Variants in SHMT1 observed in about 807,000 individuals in gnomAD.
The protein encoded by SHMT1 is serine hydroxymethyltransferase, cytosolic.
SHMT1 carries 45 observed loss-of-function variants against 49.0 expected under a neutral mutation model. The ratio of observed to expected loss-of-function variants is 0.92; its 90% CI spans 0.72 to 1.18. The LOEUF (loss-of-function observed/expected upper bound fraction) is 1.18, where lower values mean the gene tolerates loss of function less well. SHMT1 is among the 50% of genes most tolerant of loss of function. The probability of loss-of-function intolerance (pLI) is 0.00; values close to 1 mark genes in which losing one functional copy is unlikely to be tolerated. For missense variants in SHMT1, 541 were observed against 612.4 expected (o/e 0.88, Z 1.23); for synonymous variants, 232 against 246.6 (o/e 0.94, Z 0.55).
chr17:18,361,702 C>G (rs1270184332), intron 1 of SHMT1, among the ~76,000 whole-genome samples: 1 of 151,462 alleles, frequency 6.6e-6, no homozygotes, highest in African/African-American at 2.4e-5. Flanking sequence ...AGGAGAATGG[C>G]GTGAACCCGG....
chr17:18,358,793 T>C (rs1986489546), intron 1 of SHMT1, among the ~76,000 whole-genome samples: 2 of 152,014 alleles, frequency 1.3e-5, no homozygotes, highest in African/African-American at 4.8e-5. Context: ...GTCCCAGCTA[T>C]TCAGGAGGCT....
intron 1 of SHMT1, among the ~76,000 whole-genome samples, chr17:18,359,317 T>C (rs1474316678): frequency 3.3e-5 from 5 of 151,130 alleles, no homozygotes; most frequent in Admixed American, 3.3e-4. Flanking sequence ...GGCAGGAGGA[T>C]CCTTTGAGCC....
At chr17:18,330,356 G>A (rs1361178183) in intron 10 of SHMT1, among the ~76,000 whole-genome samples, 199 bp downstream of exon 10, 1 of 151,536 alleles carries the variant, frequency 6.6e-6, no homozygotes, top group African/African-American at 2.4e-5. Context: ...GGCTGGTCTC[G>A]AATTCCTGAC....
chr17:18,330,154 T>C (rs1567766914), intron 10 of SHMT1, among the ~76,000 whole-genome samples: 1 of 150,868 alleles, frequency 6.6e-6, no homozygotes, highest in African/African-American at 2.4e-5. Context: ...TTTTTTTTTT[T>C]AGACAGAGTC....
chr17:18,356,027 GC>G, intron 1 of SHMT1, 27 bp from the exon 2 acceptor site: 1 of 1,037,676 alleles, frequency 9.6e-7, no homozygotes, highest in Non-Finnish European at 1.5e-6. Context: ...AACATGTGTA[GC>G]TTCCAGAATT....
intron 5 of SHMT1, chr17:18,341,261 C>T: frequency 4.8e-6 from 1 of 209,712 alleles, no homozygotes; most frequent in Non-Finnish European, 9.8e-6. Context: ...ACACAGACAA[C>T]ACAATATACC....
intron 7 of SHMT1, among the ~76,000 whole-genome samples, chr17:18,338,610 G>T (rs112031627): frequency 1.3e-5 from 2 of 152,082 alleles, no homozygotes; most frequent in East Asian, 1.9e-4. Flanking sequence ...CGGTTTTGTC[G>T]AATAGAAAAG....
intron 5 of SHMT1, among the ~76,000 whole-genome samples, chr17:18,342,534 G>T (rs1430816242): frequency 6.6e-6 from 1 of 151,836 alleles, no homozygotes; most frequent in Admixed American, 6.6e-5. Flanking sequence ...GGCTGGTCTC[G>T]AACTCCTGGA....
rs2061432865 is a variant in SHMT1 at position 18,330,613 on chromosome 17, T to TCCA, written c.1110_1112dup (p.Gly371dup). On this transcript the variant is annotated inframe_insertion, in exon 10 of 12. Coordinates refer to ENST00000316694, the MANE Select transcript of SHMT1 (RefSeq NM_004169.5). ...AGGCTTCTAGCACCTTCTCAGCCCTTCCACCATCTGTGCCTTTGGAACGGA... is the reference window on the plus strand; with the variant it reads ...AGGCTTCTAGCACCTTCTCAGCCCTTCCACCACCATCTGTGCCTTTGGAACGGA... 1 of 1,614,176 alleles carries TCCA rather than the reference T, an allele frequency of 6.2e-7. No homozygotes were observed. The highest frequency in any genetic ancestry group is 8.5e-7 in the Non-Finnish European group (1 of 1,180,022).
intron 5 of SHMT1, chr17:18,341,535 G>T (rs1462287008): frequency 6.6e-6 from 1 of 152,426 alleles, no homozygotes; most frequent in Non-Finnish European, 1.5e-5. Flanking sequence ...AGCTACTTGG[G>T]AGGCTGAGGC....
At chr17:18,333,103 C>A in intron 9 of SHMT1, 63 bp downstream of exon 9, 4 of 1,603,254 alleles carry the variant, frequency 2.5e-6, no homozygotes, top group Non-Finnish European at 3.4e-6. Context: ...GTTGCACAAA[C>A]TGAGAAGCAA....
At chr17:18,339,918 G>A (rs1984300136) in intron 7 of SHMT1, 125 bp downstream of exon 7, 2 of 964,846 alleles carry the variant, frequency 2.1e-6, no homozygotes, top group South Asian at 2.8e-5. Context: ...TTAAGGGACT[G>A]GGATCTTAAT....
chr17:18,330,939 T>G (rs1598012414), intron 9 of SHMT1: 1 of 475,018 alleles, frequency 2.1e-6, no homozygotes, highest in East Asian at 4.2e-5. Flanking sequence ...TTCCTCAGGC[T>G]GCTCCTGGCT....
chr17:18,338,402 T>TG (rs1169965648), intron 7 of SHMT1, among the ~76,000 whole-genome samples: 2 of 147,602 alleles, frequency 1.4e-5, no homozygotes, highest in Non-Finnish European at 3.0e-5. Flanking sequence ...GGGAGGGAGG[T>TG]GGGGGGCAGC....
rs1598032690 is a variant in SHMT1, at chr17:18,340,502, T to C, written c.601+230A>G. On this transcript the variant is annotated intron_variant, in intron 6 of 11. Transcript: ENST00000316694. This position sits in a 1 kb window ranked among gnomAD's most constrained non-coding sequence, Gnocchi z 4.5. ...GCCAGCGCAGTCAGGGCCTGACATT[T>C]CTAGATGCTTCTCTGAGAACAGTCT... is the stretch of plus-strand genomic sequence containing the variant. 3.3e-5 allele frequency: 22 copies of C among 669,698 alleles called. No individual in the cohort carries two copies. In the East Asian group the frequency reaches 5.9e-4, roughly 18 times the overall value. The allele number at this position is 669,698 out of a possible 1,614,324, so 41.5% of individuals were successfully genotyped here.
intron 9 of SHMT1, chr17:18,332,747 G>GTC (rs1001209340): frequency 9.8e-6 from 3 of 305,900 alleles, no homozygotes; most frequent in African/African-American, 6.5e-5. Flanking sequence ...AACTGGGAGG[G>GTC]GAGAGCCCCT....
At chr17:18,338,630 T>C (rs1984120917) in intron 7 of SHMT1, among the ~76,000 whole-genome samples, 1 of 152,202 alleles carries the variant, frequency 6.6e-6, no homozygotes, top group Non-Finnish European at 1.5e-5. Flanking sequence ...GGGGGAAATG[T>C]GGGGAAAAGA....
chr17:18,335,376 C>T (rs113420924), intron 8 of SHMT1, among the ~76,000 whole-genome samples, 183 bp downstream of exon 8: 6 of 152,240 alleles, frequency 3.9e-5, no homozygotes, highest in African/African-American at 1.4e-4. Context: ...GGAGTGGATG[C>T]CATTCCCTAC....
At chr17:18,348,264 T>C (rs777706046) in intron 4 of SHMT1, 61 bp downstream of exon 4, 1 of 1,091,708 alleles carries the variant, frequency 9.2e-7, no homozygotes, top group Non-Finnish European at 1.4e-6. Context: ...TCTTGGTGCA[T>C]GTCGGCCCTG....
Sources: gnomAD v4.1 joint callset for allele counts (sites outside exome capture counted in the v4.1 genomes callset) on GRCh38, gnomAD v4.1.1 for gene constraint, Gnocchi (gnomAD v3.1) non-coding constraint, MANE v1.5 for transcripts, NCBI Gene and HGNC (gene_info 2026-07-23, HGNC 2026-07-21) for gene names.